Variants in CNTN5 observed in about 807,000 individuals in gnomAD.
The protein encoded by CNTN5 is contactin-5.
Under a neutral mutation model 129.1 loss-of-function variants are expected in CNTN5, and 77 were observed. The ratio of observed to expected loss-of-function variants is 0.60; its 90% confidence interval spans 0.50 to 0.72. The LOEUF (loss-of-function observed/expected upper bound fraction) is 0.72. Ranked by LOEUF, CNTN5 falls within the 30% of genes least tolerant of loss-of-function variation. The pLI is 0.00. For synonymous variants in CNTN5, 509 were observed against 465.6 expected, an observed-to-expected ratio of 1.09 and a Z score of -1.20; for missense variants, 1,478 against 1,328.8, an observed-to-expected ratio of 1.11 and a Z score of -1.75.
At chr11:99,837,787 G>C (rs1947354430) in intron 4 of CNTN5, among the ~76,000 whole-genome samples, 1 of 151,540 alleles carries the variant, frequency 6.6e-6, no homozygotes, top group South Asian at 2.1e-4. Flanking sequence ...TGGGCTCTTA[G>C]GAAATACTTT....
intron 13 of CNTN5, among the ~76,000 whole-genome samples, chr11:100,113,654 A>G (rs1945743260): frequency 6.6e-6 from 1 of 151,860 alleles, no homozygotes; most frequent in Non-Finnish European, 1.5e-5. Flanking sequence ...TGAATGCATA[A>G]TTTTCCCCAC....
chr11:99,598,440 C>CCCTCCCTT (rs1555042711), intron 3 of CNTN5, among the ~76,000 whole-genome samples: 59 of 118,736 alleles, frequency 5.0e-4, no homozygotes, highest in African/African-American at 1.7e-3. Context: ...CTCCCTCCCT[C>CCCTCCCTT]CCTTCCTTCC....
intron 2 of CNTN5, among the ~76,000 whole-genome samples, chr11:99,483,429 T>G (rs1461019634): frequency 1.3e-5 from 2 of 152,244 alleles, no homozygotes; most frequent in Middle Eastern, 3.4e-3. Context: ...CCCTTACCAG[T>G]TGAGTGCTCC....
chr11:99,838,103 G>A (rs1054218821), intron 4 of CNTN5, among the ~76,000 whole-genome samples: 2 of 151,912 alleles, frequency 1.3e-5, no homozygotes, highest in Admixed American at 6.6e-5. Flanking sequence ...AGTAGAATTG[G>A]GTAAAAAACT....
At position 100,297,667 on chromosome 11, in the gene CNTN5, GA is replaced by G; in HGVS notation, c.2359del (p.Arg787GlyfsTer4). On this transcript the variant is annotated frameshift_variant, in exon 19 of 25. Coordinates refer to ENST00000524871, the MANE Select transcript of CNTN5 (RefSeq NM_014361.4). LOFTEE classifies it high-confidence loss of function. ...APTNVSGRSG[R>X]RHELVIAWEP... ...ACCAATGTAAGCGGAAGAAGTGGAA[GA>G]AGGCATGAGTTAGTCATTGCCTGGG... 6.2e-7 allele frequency: 1 copy of G among 1,605,086 alleles called. No individual in the cohort carries two copies. Among genetic ancestry groups the G allele is most frequent in the Non-Finnish European group, 8.5e-7 (1 of 1,174,848 alleles).
chr11:99,644,796 C>T (rs1295082527), intron 3 of CNTN5, among the ~76,000 whole-genome samples: 1 of 151,932 alleles, frequency 6.6e-6, no homozygotes, highest in African/African-American at 2.4e-5. Context: ...TATTCTGATA[C>T]TCAAAGAATA....
At chr11:99,879,406 A>G (rs10894054) in intron 6 of CNTN5, among the ~76,000 whole-genome samples, 25,138 of 152,184 alleles carry the variant, frequency 0.17, 2,188 homozygotes, top group Non-Finnish European at 0.17. Context: ...CTGATGATAT[A>G]TATCACCGGA....
chr11:99,541,284 G>A (rs950484541), intron 2 of CNTN5, among the ~76,000 whole-genome samples: 2 of 152,160 alleles, frequency 1.3e-5, no homozygotes, highest in African/African-American at 4.8e-5. Context: ...TGTATTTTGT[G>A]TTATGAAGGT....
chr11:99,709,334 A>G (rs753397157), intron 3 of CNTN5, among the ~76,000 whole-genome samples: 10 of 151,858 alleles, frequency 6.6e-5, no homozygotes, highest in Non-Finnish European at 1.0e-4. Context: ...GAATTGAACA[A>G]TATTACTAAA....
At chr11:99,989,811 G>T (rs1244626932) in intron 8 of CNTN5, among the ~76,000 whole-genome samples, 2 of 152,066 alleles carry the variant, frequency 1.3e-5, no homozygotes, top group Non-Finnish European at 2.9e-5. Context: ...CACTGCCAAG[G>T]CTGGAGTACA....
intron 1 of CNTN5, among the ~76,000 whole-genome samples, chr11:99,027,926 AT>A (rs1863174378): frequency 6.6e-6 from 1 of 151,710 alleles, no homozygotes; most frequent in Non-Finnish European, 1.5e-5. Flanking sequence ...AAAGGTTAAT[AT>A]TTTATCTGAA....
At chr11:100,262,830 C>T (rs748143669) in intron 17 of CNTN5, among the ~76,000 whole-genome samples, 31 of 151,962 alleles carry the variant, frequency 2.0e-4, no homozygotes, top group Non-Finnish European at 4.4e-4. Flanking sequence ...AGGAGAAATA[C>T]CTAATGTAGA....
At chr11:99,710,131 A>T (rs1318622387) in intron 3 of CNTN5, among the ~76,000 whole-genome samples, 2 of 151,818 alleles carry the variant, frequency 1.3e-5, no homozygotes, top group Non-Finnish European at 2.9e-5. Flanking sequence ...ACTCACTCAT[A>T]GATGCCACAA....
chr11:99,235,464 A>G (rs922699283), intron 1 of CNTN5, among the ~76,000 whole-genome samples: 7 of 152,148 alleles, frequency 4.6e-5, no homozygotes, highest in African/African-American at 1.7e-4. Flanking sequence ...GATTAAAAAC[A>G]TAAAGAATCA....
At chr11:99,774,282 A>AC (rs796872808) in intron 3 of CNTN5, among the ~76,000 whole-genome samples, 1 of 151,942 alleles carries the variant, frequency 6.6e-6, no homozygotes, top group African/African-American at 2.4e-5. Flanking sequence ...TAAAAAAAAA[A>AC]AACCAAGTAA....
At chr11:99,062,349 C>T (rs552740431) in intron 1 of CNTN5, among the ~76,000 whole-genome samples, 2 of 152,164 alleles carry the variant, frequency 1.3e-5, no homozygotes, top group African/African-American at 4.8e-5. Flanking sequence ...TTAGATATAG[C>T]GGCCTACCTG....
At chr11:99,651,458 A>C (rs1168512162) in intron 3 of CNTN5, among the ~76,000 whole-genome samples, 2 of 152,034 alleles carry the variant, frequency 1.3e-5, no homozygotes, top group Admixed American at 6.6e-5. Context: ...AATTTGATCC[A>C]AAGCACATTT....
rs947734699 is a variant in CNTN5 at position 99,741,039 on chromosome 11, T to C, written c.56-78505T>C. 2.0e-5 allele frequency among the ~76,000 whole-genome samples: 3 copies of C among 152,208 alleles called. No homozygotes were observed. In the East Asian group the frequency reaches 5.8e-4, roughly 29 times the overall value. On this transcript the variant is annotated intron_variant, in intron 3 of 24. Coordinates refer to ENST00000524871, the MANE Select transcript of CNTN5 (RefSeq NM_014361.4). ...CCACATTTTCTAGAAACACTTTAGC[T>C]CAGAATATTATCTTTGTCTTTGGAA...
chr11:100,292,700 C>T (rs1025175930), intron 18 of CNTN5, among the ~76,000 whole-genome samples: 7 of 151,940 alleles, frequency 4.6e-5, no homozygotes, highest in African/African-American at 1.7e-4. Context: ...TCTAAACTGA[C>T]AACCTTGTTT....
Sources: allele counts gnomAD v4.1 joint callset (sites outside exome capture counted in the v4.1 genomes callset), GRCh38; gene constraint gnomAD v4.1.1; transcripts MANE v1.5; gene names NCBI Gene and HGNC (gene_info 2026-07-23, HGNC 2026-07-21).